Variants in SGCZ observed in about 807,000 individuals in gnomAD.
The protein encoded by SGCZ is zeta-sarcoglycan.
A neutral mutation model predicts 41.3 loss-of-function variants in SGCZ; 40 were observed. That is an observed-to-expected ratio of 0.97 (90% CI 0.75 to 1.26). The LOEUF (loss-of-function observed/expected upper bound fraction) is 1.26, where lower values mean the gene tolerates loss of function less well. SGCZ is among the 50% of genes most tolerant of loss of function. The pLI is 0.00. For missense variants in SGCZ, 552 were observed against 369.8 expected (o/e 1.49, Z -4.04); for synonymous variants, 206 against 137.5 (o/e 1.50, Z -3.49).
intron 4 of SGCZ, among the ~76,000 whole-genome samples, chr8:14,194,025 T>G (rs567789468): frequency 4.9e-4 from 74 of 151,678 alleles, no homozygotes; most frequent in Admixed American, 1.5e-3. Flanking sequence ...GGGACAATAG[T>G]TTTTTTTAAA....
intron 7 of SGCZ, among the ~76,000 whole-genome samples, chr8:14,102,074 CT>C (rs756645345): frequency 2.1e-5 from 1 of 46,762 alleles, no homozygotes; most frequent in Admixed American, 2.9e-4. Flanking sequence ...GCTTGGCTAA[CT>C]TTATATATAT....
At chr8:15,166,504 T>A (rs1371951312) in intron 1 of SGCZ, among the ~76,000 whole-genome samples, 4 of 152,110 alleles carry the variant, frequency 2.6e-5, no homozygotes, top group African/African-American at 9.7e-5. Flanking sequence ...CGCCTTGGCC[T>A]CCCAAAGTGC....
chr8:14,380,943 G>T (rs1055697818), intron 2 of SGCZ, among the ~76,000 whole-genome samples: 9 of 152,132 alleles, frequency 5.9e-5, no homozygotes, highest in Admixed American at 3.3e-4. Context: ...CCAATATCCT[G>T]AGATAACCAT....
chr8:14,555,628 G>C (rs1180052382), intron 1 of SGCZ, among the ~76,000 whole-genome samples: 1 of 151,884 alleles, frequency 6.6e-6, no homozygotes, highest in African/African-American at 2.4e-5. Context: ...TTTTATACCA[G>C]AGCAAGAATA....
intron 1 of SGCZ, among the ~76,000 whole-genome samples, chr8:14,876,364 C>G: frequency 6.6e-6 from 1 of 152,154 alleles, no homozygotes; most frequent in Non-Finnish European, 1.5e-5. Context: ...CATAAGAAGA[C>G]ATTCATAGCT....
At chr8:14,652,116 T>C (rs7816496) in intron 1 of SGCZ, among the ~76,000 whole-genome samples, 65,354 of 151,460 alleles carry the variant, frequency 0.43, 15,459 homozygotes, top group East Asian at 0.73. Context: ...GATGAATAAA[T>C]GCATGATAAA....
At chr8:14,393,261 C>T (rs915110355) in intron 2 of SGCZ, among the ~76,000 whole-genome samples, 43 of 152,084 alleles carry the variant, frequency 2.8e-4, no homozygotes, top group African/African-American at 8.9e-4. Flanking sequence ...GAAAACCAGC[C>T]CCAATCATTT....
At chr8:14,669,339 C>G (rs1485820566) in intron 1 of SGCZ, among the ~76,000 whole-genome samples, 1 of 139,228 alleles carries the variant, frequency 7.2e-6, no homozygotes, top group Non-Finnish European at 1.6e-5. Flanking sequence ...GCCTGGACAA[C>G]AGAGCAAGAC....
intron 1 of SGCZ, among the ~76,000 whole-genome samples, chr8:14,849,389 T>C (rs74711947): frequency 0.035 from 5,254 of 152,086 alleles, 299 homozygotes; most frequent in African/African-American, 0.12. Context: ...CTAATTTTCA[T>C]AGCAGCTTTT....
intron 1 of SGCZ, among the ~76,000 whole-genome samples, chr8:14,689,946 A>G (rs936353343): frequency 3.9e-5 from 6 of 152,216 alleles, no homozygotes; most frequent in African/African-American, 1.4e-4. Context: ...ATTAGTCAAA[A>G]AAGTTATGTG....
intron 2 of SGCZ, among the ~76,000 whole-genome samples, chr8:14,485,222 A>G (rs749252177): frequency 2.0e-5 from 3 of 151,932 alleles, no homozygotes; most frequent in Admixed American, 6.6e-5. Flanking sequence ...CTATCTTCCT[A>G]TCTAGTTTAG....
In SGCZ at chr8:14,791,786, G is replaced by C. The variant is rs1800963783; in HGVS notation, c.40-236860C>G. Among the ~76,000 whole-genome samples the C allele has an allele frequency of 2.0e-5, 3 of 152,274 alleles. No individual in the cohort carries two copies. In the South Asian group the frequency reaches 6.2e-4, roughly 32 times the overall value. On this transcript the variant is annotated intron_variant, in intron 1 of 7. Coordinates refer to ENST00000382080, the MANE Select transcript of SGCZ (RefSeq NM_139167.4). ...CAAGAGCTATAGGTTCCAATGAGCA[G>C]TTCTGAATCATCAGTAAATTAAACC...
intron 2 of SGCZ, among the ~76,000 whole-genome samples, chr8:14,530,667 A>C (rs936102194): frequency 2.6e-5 from 3 of 117,464 alleles, no homozygotes; most frequent in Non-Finnish European, 5.2e-5. Context: ...TCAGAACTAT[A>C]TAAGTTAAAA....
chr8:14,674,907 A>G (rs549777112), intron 1 of SGCZ, among the ~76,000 whole-genome samples: 1 of 135,586 alleles, frequency 7.4e-6, no homozygotes, highest in South Asian at 2.2e-4. Flanking sequence ...CAGTGAGCCA[A>G]TTTAACCTCT....
intron 1 of SGCZ, among the ~76,000 whole-genome samples, chr8:14,713,212 C>T (rs7834298): frequency 3.0e-4 from 46 of 151,866 alleles, no homozygotes; most frequent in Admixed American, 9.8e-4. Context: ...AAAAGAAATC[C>T]GGAGGAAATT....
chr8:15,129,427 G>T (rs989519089), intron 1 of SGCZ, among the ~76,000 whole-genome samples: 1 of 152,038 alleles, frequency 6.6e-6, no homozygotes, highest in Non-Finnish European at 1.5e-5. Context: ...CAAAGATCTA[G>T]AAAGTAACAT....
chr8:14,382,130 G>A (rs572875211), intron 2 of SGCZ, among the ~76,000 whole-genome samples: 2 of 148,028 alleles, frequency 1.4e-5, no homozygotes, highest in Admixed American at 6.8e-5. Flanking sequence ...AGGGACCACA[G>A]GGATGTACTG....
intron 3 of SGCZ, among the ~76,000 whole-genome samples, chr8:14,281,809 G>C (rs947105371): frequency 3.9e-5 from 6 of 152,012 alleles, no homozygotes; most frequent in Non-Finnish European, 7.4e-5. Context: ...TAAGAAATAT[G>C]TGTATGTATA....
At chr8:15,014,771 G>T (rs759090121) in intron 1 of SGCZ, among the ~76,000 whole-genome samples, 1 of 152,188 alleles carries the variant, frequency 6.6e-6, no homozygotes, top group Non-Finnish European at 1.5e-5. Context: ...ATTCCTTCAG[G>T]ATAGGTGTGA....
Sources: allele counts gnomAD v4.1 joint callset (sites outside exome capture counted in the v4.1 genomes callset), GRCh38; gene constraint gnomAD v4.1.1; transcripts MANE v1.5; gene names NCBI Gene and HGNC (gene_info 2026-07-23, HGNC 2026-07-21).